Variants in PDE3B observed in about 807,000 individuals in gnomAD.
PDE3B encodes the protein phosphodiesterase 3B.
Under a neutral mutation model 116.8 loss-of-function variants are expected in PDE3B, and 66 were observed. The observed-to-expected ratio is 0.56, with a 90% CI of 0.46 to 0.69. The LOEUF (loss-of-function observed/expected upper bound fraction) is 0.69. Among genes scored for constraint, PDE3B ranks in the 30% least tolerant of loss-of-function variants. PDE3B has a pLI of 0.00. For synonymous variants in PDE3B, 595 were observed against 533.6 expected, an observed-to-expected ratio of 1.12 and a Z score of -1.59; for missense variants, 1,384 against 1,368.1, an observed-to-expected ratio of 1.01 and a Z score of -0.18.
At chr11:14,770,641 A>C (rs1410816170) in intron 1 of PDE3B, among the ~76,000 whole-genome samples, 1 of 151,564 alleles carries the variant, frequency 6.6e-6, no homozygotes, top group Non-Finnish European at 1.5e-5. Context: ...TGAGTCTGTT[A>C]TATATATGGT....
chr11:14,666,319 C>G (rs1262566213), intron 1 of PDE3B, among the ~76,000 whole-genome samples: 1 of 150,746 alleles, frequency 6.6e-6, no homozygotes, highest in Non-Finnish European at 1.5e-5. Flanking sequence ...AGACCTAAAA[C>G]CATAAAAACC....
At chr11:14,714,376 T>C (rs760341796) in intron 1 of PDE3B, among the ~76,000 whole-genome samples, 1 of 151,870 alleles carries the variant, frequency 6.6e-6, no homozygotes, top group Non-Finnish European at 1.5e-5. Context: ...TTTATATAGC[T>C]TTGAAATTCA....
intron 12 of PDE3B, among the ~76,000 whole-genome samples, chr11:14,848,827 A>G (rs1847672730): frequency 6.6e-6 from 1 of 152,232 alleles, no homozygotes; most frequent in Non-Finnish European, 1.5e-5. Flanking sequence ...CCACTGCTCA[A>G]TGAAATAAAA....
the PDE3B span, chr11:14,879,030 A>C: frequency 1.8e-6 from 2 of 1,086,368 alleles, no homozygotes; most frequent in Non-Finnish European, 1.4e-6. Context: ...ATTCTATAGA[A>C]GGATGCTTCA....
chr11:14,846,401 A>G (rs1847602467), intron 12 of PDE3B, among the ~76,000 whole-genome samples: 1 of 152,236 alleles, frequency 6.6e-6, no homozygotes, highest in Non-Finnish European at 1.5e-5. Flanking sequence ...AATTGTAAAG[A>G]CCATCGAGGC....
intron 1 of PDE3B, among the ~76,000 whole-genome samples, chr11:14,752,558 C>G (rs1857082267): frequency 6.6e-6 from 1 of 152,134 alleles, no homozygotes; most frequent in Non-Finnish European, 1.5e-5. Context: ...AAGTTCCTCC[C>G]TCCTTCAAGT....
intron 1 of PDE3B, among the ~76,000 whole-genome samples, chr11:14,743,765 C>A (rs957729761): frequency 1.3e-5 from 2 of 152,210 alleles, no homozygotes; most frequent in Non-Finnish European, 2.9e-5. Context: ...GGCCGCAATG[C>A]ACCATTCCTC....
At chr11:14,882,425 A>G in the PDE3B span, among the ~76,000 whole-genome samples, 6 of 152,272 alleles carry the variant, frequency 3.9e-5, no homozygotes, top group East Asian at 1.2e-3. Flanking sequence ...AGCTAGTGCA[A>G]TGGTGCCAAG....
the PDE3B span, among the ~76,000 whole-genome samples, chr11:14,881,139 A>G: frequency 6.6e-6 from 1 of 152,140 alleles, no homozygotes; most frequent in Non-Finnish European, 1.5e-5. Context: ...ATCTTAGACT[A>G]AACAAACACC....
At position 14,736,413 on chromosome 11, in the gene PDE3B, A is replaced by T. The variant is rs1258835460; in HGVS notation, c.979-35524A>T. 2.0e-5 allele frequency among the ~76,000 whole-genome samples: 3 copies of T among 152,232 alleles called. No individual in the cohort carries two copies. The East Asian group carries it at 5.8e-4, about 29-fold the overall frequency. On this transcript the variant is annotated intron_variant, in intron 1 of 15. Coordinates refer to ENST00000282096, the MANE Select transcript of PDE3B (RefSeq NM_000922.4). ...GCACATTTTCGTAGAGAACACAAAG[A>T]AAAGAAAACCTCTTTGGTACATATT...
chr11:14,847,750 C>A lies in PDE3B; in HGVS notation c.2520+3724C>A, dbSNP rs200917686. On this transcript the variant is annotated intron_variant, in intron 12 of 15. Transcript: ENST00000282096. ...CTAGAAAATCTAGAAGAAATGGATA[C>A]ATTCCTCGACACATACACCCTCCCA... Among the ~76,000 whole-genome samples the A allele has an allele frequency of 5.9e-4, 90 of 152,194 alleles. No individual in the cohort carries two copies. In the East Asian group the frequency reaches 0.012, roughly 21 times the overall value.
intron 1 of PDE3B, among the ~76,000 whole-genome samples, chr11:14,696,798 A>T (rs1855219680): frequency 6.6e-6 from 1 of 152,168 alleles, no homozygotes; most frequent in Admixed American, 6.5e-5. Flanking sequence ...AGAGAACAAA[A>T]GTTCCTAGTT....
intron 1 of PDE3B, among the ~76,000 whole-genome samples, chr11:14,684,730 C>G (rs1854817061): frequency 6.6e-6 from 1 of 152,174 alleles, no homozygotes; most frequent in South Asian, 2.1e-4. Context: ...GGATGCATTC[C>G]TTTCCCAGAG....
intron 1 of PDE3B, chr11:14,699,087 TG>T (rs1202376151): frequency 6.6e-6 from 1 of 152,018 alleles, no homozygotes; most frequent in African/African-American, 2.4e-5. Flanking sequence ...TTTATAATTC[TG>T]TTGGCTCTGT....
intron 1 of PDE3B, among the ~76,000 whole-genome samples, chr11:14,735,958 TTGTGTGTGTGTGTGTGTG>T (rs59099319): frequency 1.4e-5 from 2 of 142,926 alleles, no homozygotes; most frequent in African/African-American, 5.2e-5. Context: ...GAATAATAGG[TTGTGTGTGTGTGTGTGTG>T]TGTGTGTGTG....
intron 1 of PDE3B, among the ~76,000 whole-genome samples, chr11:14,735,511 C>A (rs546521505): frequency 6.6e-6 from 1 of 152,070 alleles, no homozygotes; most frequent in African/African-American, 2.4e-5. Context: ...TTCTCCAGAA[C>A]GAAAAGGTGA....
intron 1 of PDE3B, among the ~76,000 whole-genome samples, chr11:14,760,754 A>T (rs545908994): frequency 6.6e-6 from 1 of 152,300 alleles, no homozygotes; most frequent in East Asian, 1.9e-4. Flanking sequence ...CACTGTTCTC[A>T]GTGTGTATAC....
chr11:14,745,849 A>G (rs942769103), intron 1 of PDE3B, among the ~76,000 whole-genome samples: 2 of 152,222 alleles, frequency 1.3e-5, no homozygotes, highest in Non-Finnish European at 2.9e-5. Flanking sequence ...TTGTGAGATC[A>G]GGGACCTGAA....
chr11:14,769,563 C>T (rs1857581342), intron 1 of PDE3B, among the ~76,000 whole-genome samples: 1 of 148,412 alleles, frequency 6.7e-6, no homozygotes, highest in Non-Finnish European at 1.5e-5. Context: ...CAGTGTTTCT[C>T]CACCGTATTT....
Sources: gnomAD v4.1 joint callset for allele counts (sites outside exome capture counted in the v4.1 genomes callset) on GRCh38, gnomAD v4.1.1 for gene constraint, MANE v1.5 for transcripts, NCBI Gene and HGNC (gene_info 2026-07-23, HGNC 2026-07-21) for gene names.